Variants in SLC5A4 observed in about 807,000 individuals in gnomAD.
SLC5A4 encodes the protein probable glucose sensor protein SLC5A4.
A neutral mutation model predicts 70.3 loss-of-function variants in SLC5A4; 55 were observed. The ratio of observed to expected loss-of-function variants is 0.78; its 90% CI spans 0.63 to 0.98. The LOEUF is 0.98. Among genes scored for constraint, SLC5A4 ranks in the 50% least tolerant of loss-of-function variants. SLC5A4 has a pLI of 0.00. For synonymous variants in SLC5A4, 268 were observed against 305.7 expected, an observed-to-expected ratio of 0.88 and a Z score of 1.29; for missense variants, 735 against 839.2, an observed-to-expected ratio of 0.88 and a Z score of 1.53.
chr22:32,351,269 A>G, the SLC5A4 span, among the ~76,000 whole-genome samples: 1 of 152,204 alleles, frequency 6.6e-6, no homozygotes, highest in Non-Finnish European at 1.5e-5. Context: ...ATTTTATTTG[A>G]CGCTTCATTT....
the SLC5A4 span, among the ~76,000 whole-genome samples, chr22:32,298,928 G>A: frequency 9.5e-6 from 1 of 105,146 alleles, no homozygotes; most frequent in African/African-American, 3.7e-5. Context: ...TAGTTTGGCT[G>A]GATATGAAAT....
rs1441587326 is a variant in SLC5A4 at position 32,238,965 on chromosome 22, A to G, written c.583+20T>C. ...TCAGCAAAAGATAGCCTGAGTGAGC[A>G]AAATATGCAACATACTTACCAGTGG... On this transcript the variant is annotated intron_variant, in intron 6 of 14. Transcript: ENST00000266086. 6.3e-7 allele frequency: 1 copy of G among 1,579,862 alleles called. No individual in the cohort carries two copies. Among genetic ancestry groups the G allele is most frequent in the East Asian group, 2.2e-5 (1 of 44,728 alleles).
At position 32,232,887 on chromosome 22, in the gene SLC5A4, T is replaced by G. The variant is rs754068942; in HGVS notation, c.1021+12A>C. ...CATAAAAAAAGAGAGAACATACGGA[T>G]TCAGGGCTTACCTGTGTACAGGATG... On this transcript the variant is annotated intron_variant, in intron 9 of 14. Coordinates refer to ENST00000266086, the MANE Select transcript of SLC5A4 (RefSeq NM_014227.3). The G allele has an allele frequency of 1.2e-6, 2 of 1,607,890 alleles. No individual in the cohort carries two copies. The highest frequency in any genetic ancestry group is 8.5e-7 in the Non-Finnish European group (1 of 1,177,410).
chr22:32,225,436 C>T (rs1450752127), intron 12 of SLC5A4, among the ~76,000 whole-genome samples: 1 of 152,074 alleles, frequency 6.6e-6, no homozygotes, highest in Admixed American at 6.6e-5. Context: ...CATGTATGTA[C>T]GTAATATTTT....
chr22:32,301,423 A>ATT, the SLC5A4 span, among the ~76,000 whole-genome samples: 1 of 152,246 alleles, frequency 6.6e-6, no homozygotes, highest in Non-Finnish European at 1.5e-5. Flanking sequence ...ATGATGTTAA[A>ATT]TAGTTTCATG....
At chr22:32,240,304 A>G (rs1209503590) in intron 5 of SLC5A4, among the ~76,000 whole-genome samples, 1 of 152,016 alleles carries the variant, frequency 6.6e-6, no homozygotes, top group African/African-American at 2.4e-5. Context: ...AAAGGAGACT[A>G]TGATCAACTT....
Position 32,224,193 on chromosome 22 carries a change from T to G in SLC5A4, c.1665+74A>C. On this transcript the variant is annotated intron_variant, in intron 13 of 14. Transcript: ENST00000266086. ...CCTTGGCCTCCCAAAGTGCTGGGAT[T>G]ACAGGCGTGAGCCACTGCGCCCGGC... The G allele has an allele frequency of 3.4e-6, 4 of 1,160,636 alleles. No individual in the cohort carries two copies. The South Asian group carries it at 5.2e-5, about 15-fold the overall frequency. The allele number at this position is 1,160,636 out of a possible 1,614,324, so 71.9% of individuals were successfully genotyped here. A position where few individuals can be genotyped will look rare whatever the true frequency, so the allele number is the denominator to read the frequency against.
chr22:32,237,298 CTG>C lies in SLC5A4; in HGVS notation c.608_609del (p.Thr203ArgfsTer21). On this transcript the variant is annotated frameshift_variant, in exon 7 of 15. Coordinates refer to ENST00000266086, the MANE Select transcript of SLC5A4 (RefSeq NM_014227.3). LOFTEE classifies it high-confidence loss of function. ...TTGGLASVIY[T>X]DTLQTIIMLI... Reference sequence around the variant, plus strand: ...AGCATGATGATGGTCTGGAGGGTGTCTGTGTAAATCACCGAGGCCAAGCCCCC... The same window carrying C: ...AGCATGATGATGGTCTGGAGGGTGTCTGTAAATCACCGAGGCCAAGCCCCC... 6.2e-7 allele frequency: 1 copy of C among 1,605,876 alleles called. No individual in the cohort carries two copies. Among genetic ancestry groups the C allele is most frequent in the South Asian group, 1.1e-5 (1 of 89,364 alleles).
the SLC5A4 span, among the ~76,000 whole-genome samples, chr22:32,349,110 G>C: frequency 6.6e-6 from 1 of 152,066 alleles, no homozygotes; most frequent in East Asian, 1.9e-4. Flanking sequence ...GAGTAGCTGG[G>C]ATTACAGGCG....
At chr22:32,336,972 G>T in the SLC5A4 span, among the ~76,000 whole-genome samples, 4 of 152,328 alleles carry the variant, frequency 2.6e-5, no homozygotes, top group Admixed American at 2.6e-4. Flanking sequence ...CAATGAACAC[G>T]GATTGTTCCA....
chr22:32,330,846 GGCTCTGGTGTGTAGGTGTT>G, the SLC5A4 span, among the ~76,000 whole-genome samples: 2 of 130,202 alleles, frequency 1.5e-5, no homozygotes, highest in Non-Finnish European at 3.3e-5. Flanking sequence ...GTGTGTTGGG[GGCTCTGGTGTGTAGGTGTT>G]GGAGGGTCTG....
upstream of SLC5A4, chr22:32,255,439 A>T: frequency 8.3e-7 from 1 of 1,203,140 alleles, no homozygotes; most frequent in South Asian, 1.4e-5. Context: ...CAGCTCCTGG[A>T]TATGGAGACC....
chr22:32,347,101 A>G, the SLC5A4 span, among the ~76,000 whole-genome samples: 1 of 152,256 alleles, frequency 6.6e-6, no homozygotes, highest in Non-Finnish European at 1.5e-5. Context: ...GACACATGAA[A>G]AAATGCTCAT....
the SLC5A4 span, among the ~76,000 whole-genome samples, chr22:32,352,841 T>G: frequency 1.3e-5 from 2 of 152,146 alleles, no homozygotes; most frequent in African/African-American, 4.8e-5. Context: ...ATCCTACCGC[T>G]CTGGTGCTCT....
At chr22:32,309,696 A>C in the SLC5A4 span, among the ~76,000 whole-genome samples, 1 of 152,062 alleles carries the variant, frequency 6.6e-6, no homozygotes, top group African/African-American at 2.4e-5. Flanking sequence ...TTCACACCCA[A>C]GTGCACACTT....
the SLC5A4 span, chr22:32,271,595 T>G: frequency 1.5e-6 from 1 of 681,768 alleles, no homozygotes. Context: ...GTGTTTCCAC[T>G]ACTTCGAGGA....
chr22:32,293,711 T>A, the SLC5A4 span, among the ~76,000 whole-genome samples: 2 of 152,154 alleles, frequency 1.3e-5, no homozygotes, highest in Non-Finnish European at 2.9e-5. Context: ...CTTTATTCCT[T>A]TCTGTATCAT....
the SLC5A4 span, among the ~76,000 whole-genome samples, chr22:32,300,834 T>G: frequency 2.6e-5 from 4 of 152,372 alleles, no homozygotes; most frequent in Non-Finnish European, 5.9e-5. Context: ...CCATGTGTTT[T>G]TCATCATTTT....
the SLC5A4 span, among the ~76,000 whole-genome samples, chr22:32,264,868 C>A: frequency 6.6e-6 from 1 of 152,046 alleles, no homozygotes; most frequent in Non-Finnish European, 1.5e-5. Context: ...GAACCCCGCA[C>A]GTTTATAGTC....
Sources: gnomAD v4.1 joint callset for allele counts (sites outside exome capture counted in the v4.1 genomes callset) on GRCh38, gnomAD v4.1.1 for gene constraint, MANE v1.5 for transcripts, NCBI Gene and HGNC (gene_info 2026-07-23, HGNC 2026-07-21) for gene names.